Variants in SLC1A2 observed in about 807,000 individuals in gnomAD.
SLC1A2 encodes excitatory amino acid transporter 2.
SLC1A2 carries 15 observed loss-of-function variants against 48.8 expected under a neutral mutation model. That is an observed-to-expected ratio of 0.31 (90% confidence interval 0.21 to 0.47). SLC1A2 has a LOEUF of 0.47. SLC1A2 is among the 20% of genes least tolerant of loss of function. The pLI, the probability that SLC1A2 is intolerant of heterozygous loss-of-function variation, is 0.99. For missense variants in SLC1A2, 502 were observed against 730.5 expected (o/e 0.69, Z 3.61); for synonymous variants, 279 against 272.6 (o/e 1.02, Z -0.23).
intron 1 of SLC1A2, chr11:35,418,683 C>G: frequency 1.0e-5 from 5 of 492,750 alleles, no homozygotes; most frequent in Admixed American, 3.8e-5. Flanking sequence ...AGGATTTCTT[C>G]CTCACACTCT....
At chr11:35,276,220 G>A (rs1850434318) in intron 9 of SLC1A2, among the ~76,000 whole-genome samples, 1 of 152,106 alleles carries the variant, frequency 6.6e-6, no homozygotes, top group Non-Finnish European at 1.5e-5. Context: ...CTGAGGCTCA[G>A]AAAGTCACTT....
At chr11:35,328,167 C>T (rs1423638014) in intron 1 of SLC1A2, among the ~76,000 whole-genome samples, 1 of 152,162 alleles carries the variant, frequency 6.6e-6, no homozygotes, top group Non-Finnish European at 1.5e-5. Context: ...ATCCACTCAA[C>T]TGACTCCTCC....
At chr11:35,325,384 T>G (rs531214367) in intron 1 of SLC1A2, among the ~76,000 whole-genome samples, 36 of 152,218 alleles carry the variant, frequency 2.4e-4, no homozygotes, top group South Asian at 4.1e-4. Flanking sequence ...ACTTGTATGT[T>G]TTCCCCACTA....
chr11:35,330,812 ACTC>A (rs1565249881), intron 1 of SLC1A2, among the ~76,000 whole-genome samples: 1 of 151,626 alleles, frequency 6.6e-6, no homozygotes, highest in East Asian at 1.9e-4. Context: ...AAGGAAACAG[ACTC>A]CTCCTCCGAG....
At chr11:35,267,274 G>T (rs895236219) in intron 9 of SLC1A2, among the ~76,000 whole-genome samples, 3 of 152,136 alleles carry the variant, frequency 2.0e-5, no homozygotes, top group Non-Finnish European at 2.9e-5. Context: ...ATGCCAATTT[G>T]TCCCTTGGCT....
chr11:35,383,325 TG>T (rs1854488917), intron 1 of SLC1A2, among the ~76,000 whole-genome samples: 1 of 152,340 alleles, frequency 6.6e-6, no homozygotes, highest in South Asian at 2.1e-4. Context: ...CTGCCTTTTT[TG>T]GTTGAAAGTA....
At chr11:35,261,042 A>G in intron 10 of SLC1A2, 77 bp from the exon 11 acceptor site, 1 of 1,011,630 alleles carries the variant, frequency 9.9e-7, no homozygotes, top group Non-Finnish European at 1.6e-6. Flanking sequence ...GTGGAGAAGC[A>G]CCAAATCCAA....
At chr11:35,412,466 G>C (rs1855490979) in intron 1 of SLC1A2, among the ~76,000 whole-genome samples, 1 of 152,194 alleles carries the variant, frequency 6.6e-6, no homozygotes, top group Non-Finnish European at 1.5e-5. Flanking sequence ...CTTCCAAAGG[G>C]AGTCAGACCA....
intron 9 of SLC1A2, among the ~76,000 whole-genome samples, chr11:35,269,076 G>A (rs1403324976): frequency 6.6e-6 from 1 of 152,172 alleles, no homozygotes; most frequent in Non-Finnish European, 1.5e-5. Flanking sequence ...AGGTGATTAG[G>A]TCACAAGGGT....
At chr11:35,395,669 T>G (rs1854929703) in intron 1 of SLC1A2, among the ~76,000 whole-genome samples, 2 of 145,590 alleles carry the variant, frequency 1.4e-5, no homozygotes, top group South Asian at 4.3e-4. Context: ...CCCTCCAAAC[T>G]TCTTTTTTTT....
chr11:35,370,947 TATTTGGATAA>T (rs1419738885), intron 1 of SLC1A2: 1 of 985,120 alleles, frequency 1.0e-6, no homozygotes, highest in East Asian at 1.1e-4. Context: ...TTGCCTTGCT[TATTTGGATAA>T]ATCATTCCAT....
In SLC1A2 at chr11:35,254,649, C is replaced by A; in HGVS notation, c.*6245G>T. ...ATCTCCAGTGAGGATGATGACAAGG[C>A]TAACAGTCAGTTGTCAGGTTTCAAC... On this transcript the variant is annotated 3_prime_UTR_variant, in exon 11 of 11. Transcript: ENST00000278379. 1 of 380,114 alleles carries A rather than the reference C, an allele frequency of 2.6e-6. No individual in the cohort carries two copies. Among genetic ancestry groups the A allele is most frequent in the South Asian group, 2.0e-5 (1 of 51,132 alleles). The allele number at this position is 380,114 out of a possible 1,614,324, so 23.5% of individuals were successfully genotyped here. A position where few individuals can be genotyped will look rare whatever the true frequency, so the allele number is the denominator to read the frequency against.
chr11:35,301,689 A>G, intron 5 of SLC1A2, 44 bp from the exon 6 acceptor site: 1 of 1,597,178 alleles, frequency 6.3e-7, no homozygotes, highest in Non-Finnish European at 8.6e-7. Context: ...ATTACAAAAA[A>G]TGTACTTTTT....
At chr11:35,269,693 C>T (rs1850222134) in intron 9 of SLC1A2, among the ~76,000 whole-genome samples, 1 of 152,208 alleles carries the variant, frequency 6.6e-6, no homozygotes, top group Non-Finnish European at 1.5e-5. Context: ...GTTTTCCCCA[C>T]ATTTTTTCTT....
At chr11:35,354,333 A>C (rs1853379874) in intron 1 of SLC1A2, among the ~76,000 whole-genome samples, 1 of 152,008 alleles carries the variant, frequency 6.6e-6, no homozygotes, top group African/African-American at 2.4e-5. Flanking sequence ...GATGGTGCAC[A>C]CCTGGAGTCC....
chr11:35,338,305 A>T (rs1590203511), intron 1 of SLC1A2, among the ~76,000 whole-genome samples: 1 of 152,002 alleles, frequency 6.6e-6, no homozygotes, highest in East Asian at 1.9e-4. Flanking sequence ...CTACATAACA[A>T]ATCTGTTGTT....
At position 35,253,797 on chromosome 11, in the gene SLC1A2, T is replaced by C. The variant is rs969168030; in HGVS notation, c.*7097A>G. On this transcript the variant is annotated 3_prime_UTR_variant, in exon 11 of 11. Transcript: ENST00000278379. ...TTATAATTCTACATGTGTGGTTACA[T>C]AGAAAATACTGTAAGAAAATATGTC... 1 of 152,638 alleles carries C rather than the reference T, an allele frequency of 6.6e-6. No individual in the cohort carries two copies. The highest frequency in any genetic ancestry group is 1.5e-5 in the Non-Finnish European group (1 of 68,028). 9.5% of individuals were successfully genotyped at this position (152,638 alleles called of 1,614,324 possible).
At chr11:35,306,818 A>G (rs1476858932) in intron 4 of SLC1A2, among the ~76,000 whole-genome samples, 2 of 152,236 alleles carry the variant, frequency 1.3e-5, no homozygotes, top group Admixed American at 6.5e-5. Context: ...TATTTCACCT[A>G]AGATAACGAC....
At chr11:35,387,118 C>T (rs1386276513) in intron 1 of SLC1A2, among the ~76,000 whole-genome samples, 1 of 152,140 alleles carries the variant, frequency 6.6e-6, no homozygotes, top group East Asian at 1.9e-4. Flanking sequence ...CCTCCCCTCA[C>T]CCCCATTCTC....
Sources: gnomAD v4.1 joint callset for allele counts (sites outside exome capture counted in the v4.1 genomes callset) on GRCh38, gnomAD v4.1.1 for gene constraint, MANE v1.5 for transcripts, NCBI Gene and HGNC (gene_info 2026-07-23, HGNC 2026-07-21) for gene names.